EEF1E1: variants seen among roughly 807,000 people sequenced by gnomAD.
The protein encoded by EEF1E1 is eukaryotic translation elongation factor 1 epsilon 1, also known as eukaryotic translation elongation factor 1 epsilon-1.
In EEF1E1, 19 loss-of-function variants were observed where a neutral mutation model predicts 19.9. The observed-to-expected ratio is 0.95, with a 90% CI of 0.66 to 1.40. The LOEUF is 1.40. EEF1E1 is among the 40% of genes most tolerant of loss of function. The pLI is 0.00. For missense variants in EEF1E1, 198 were observed against 202.2 expected (o/e 0.98, Z 0.13); for synonymous variants, 81 against 80.0 (o/e 1.01, Z -0.07).
intron 1 of EEF1E1, chr6:8,101,883 G>T: frequency 2.4e-6 from 3 of 1,261,368 alleles, no homozygotes; most frequent in Non-Finnish European, 3.1e-6. Flanking sequence ...TGTTCTCTCT[G>T]CCATTTATGG....
downstream of EEF1E1, chr6:8,078,558 G>T: frequency 1.2e-6 from 1 of 858,874 alleles, no homozygotes; most frequent in Non-Finnish European, 1.5e-6. Context: ...GGTGCCAATA[G>T]TCTCGCTCGA....
intron 2 of EEF1E1, among the ~76,000 whole-genome samples, chr6:8,094,477 G>A (rs1421215444): frequency 2.6e-5 from 4 of 151,500 alleles, no homozygotes; most frequent in African/African-American, 9.7e-5. Flanking sequence ...GCATACACCT[G>A]TAATCCCAGC....
chr6:8,088,697 G>C (rs1388452383), intron 3 of EEF1E1, among the ~76,000 whole-genome samples: 1 of 152,196 alleles, frequency 6.6e-6, no homozygotes, highest in Non-Finnish European at 1.5e-5. Context: ...TTTATCAGCA[G>C]CGTGAAAATG....
intron 3 of EEF1E1, among the ~76,000 whole-genome samples, chr6:8,087,026 C>T (rs1440986413): frequency 6.6e-6 from 1 of 151,958 alleles, no homozygotes; most frequent in Non-Finnish European, 1.5e-5. Context: ...AGAGATGCAG[C>T]CGAGGAATGA....
chr6:8,085,157 T>A lies in EEF1E1; in HGVS notation c.384+5029A>T, dbSNP rs566865198. On this transcript the variant is annotated intron_variant, in intron 3 of 3. Transcript: ENST00000379715. ...CCAGTTGTTAAATATTGCTTTTATT[T>A]ATTTTTTTAAGACAGGTCTCACTCT... Among the ~76,000 whole-genome samples, 239 of 152,290 alleles carry A rather than the reference T, an allele frequency of 1.6e-3. 2 individuals carry two copies. Among genetic ancestry groups the A allele is most frequent in the African/African-American group, 5.3e-3 (221 of 41,568 alleles).
chr6:8,076,320 C>G (rs746241378), downstream of EEF1E1, among the ~76,000 whole-genome samples: 2 of 152,020 alleles, frequency 1.3e-5, no homozygotes, highest in African/African-American at 4.8e-5. Context: ...CTTTCTTTCT[C>G]TCTGTCTCAA....
chr6:8,100,727 C>A (rs150294759), intron 1 of EEF1E1, among the ~76,000 whole-genome samples: 129 of 151,944 alleles, frequency 8.5e-4, no homozygotes, highest in African/African-American at 3.1e-3. Context: ...ACTCTTGCAA[C>A]ATATTTTCAT....
At chr6:8,077,150 A>C (rs537623554), downstream of EEF1E1, among the ~76,000 whole-genome samples, 2 of 151,960 alleles carry the variant, frequency 1.3e-5, no homozygotes, top group African/African-American at 4.8e-5. Flanking sequence ...TCACCGTGTT[A>C]GCCAGGATTG....
chr6:8,084,347 A>G (rs1333555380), intron 3 of EEF1E1, among the ~76,000 whole-genome samples: 1 of 152,260 alleles, frequency 6.6e-6, no homozygotes, highest in African/African-American at 2.4e-5. Context: ...AGCTAGTGCT[A>G]TGAATATTTT....
chr6:8,093,897 A>G (rs1028737708), intron 2 of EEF1E1, among the ~76,000 whole-genome samples: 10 of 151,830 alleles, frequency 6.6e-5, no homozygotes, highest in South Asian at 2.1e-4. Context: ...TCCCAGGTTC[A>G]AGTGATTCTC....
intron 2 of EEF1E1, among the ~76,000 whole-genome samples, chr6:8,094,913 C>A (rs1013692088): frequency 1.3e-5 from 2 of 152,090 alleles, no homozygotes; most frequent in African/African-American, 4.8e-5. Context: ...TAATAATATT[C>A]TTTTCTCTAG....
At chr6:8,089,469 T>A (rs989093369) in intron 3 of EEF1E1, among the ~76,000 whole-genome samples, 1 of 151,598 alleles carries the variant, frequency 6.6e-6, no homozygotes. Flanking sequence ...AACTTGGGAG[T>A]CTGATGTTTG....
intron 1 of EEF1E1, 64 bp downstream of exon 1, chr6:8,102,371 G>A (rs1201944136): frequency 3.3e-6 from 5 of 1,520,488 alleles, no homozygotes; most frequent in African/African-American, 2.8e-5. Flanking sequence ...CCCGGGTCCT[G>A]CCAGGGCTCG....
chr6:8,082,542 G>A (rs1053557898), intron 3 of EEF1E1, among the ~76,000 whole-genome samples: 1 of 152,208 alleles, frequency 6.6e-6, no homozygotes, highest in African/African-American at 2.4e-5. Context: ...GTCTCCCAAA[G>A]TGCCTGGATT....
In EEF1E1 at chr6:8,102,433, A is replaced by G. The variant is rs1415261140; in HGVS notation, c.87+2T>C. The G allele has an allele frequency of 6.2e-7, 1 of 1,608,984 alleles. No homozygotes were observed. Among genetic ancestry groups the G allele is most frequent in the Non-Finnish European group, 8.5e-7 (1 of 1,178,490 alleles). ...CCCCTCCGCGCCGCCTCTCCTTCTC[A>G]CCTGTCGCTCGCCCTGAGCACTGTA... On this transcript the variant is annotated splice_donor_variant, in intron 1 of 3. Transcript: ENST00000379715. LOFTEE classifies it high-confidence loss of function.
chr6:8,094,006 C>T (rs137933370), intron 2 of EEF1E1, among the ~76,000 whole-genome samples: 2,256 of 151,962 alleles, frequency 0.015, 20 homozygotes, highest in Middle Eastern at 0.044. Flanking sequence ...ACCATGTTGG[C>T]CAGGCTGATC....
Position 8,097,345 on chromosome 6 carries a change from G to C in EEF1E1, c.210C>G (p.Ile70Met), listed in dbSNP as rs543759165. 1.2e-6 allele frequency: 2 copies of C among 1,614,150 alleles called. No homozygotes were observed. The highest frequency in any genetic ancestry group is 1.3e-5 in the African/African-American group (1 of 75,034). The change falls in exon 2 of 4, where the codon ATC becomes ATG. Residue 70 changes from isoleucine (I) to methionine (M), a missense_variant. Physicochemically the swap from Ile to Met is conservative, Grantham distance 10 (BLOSUM62 1). Transcript: ENST00000379715. ...CCCTGTATTCTAACCACTGCTGAACGATTGCTTTTTCTTCTGCAGTACTCC... is the reference window on the plus strand; with the variant it reads ...CCCTGTATTCTAACCACTGCTGAACCATTGCTTTTTCTTCTGCAGTACTCC... Reference protein sequence around the residue: ...LLGSTAEEKAIVQQWLEYRVT... With the variant: ...LLGSTAEEKAMVQQWLEYRVT...
At chr6:8,084,606 C>A (rs562816228) in intron 3 of EEF1E1, among the ~76,000 whole-genome samples, 1 of 152,192 alleles carries the variant, frequency 6.6e-6, no homozygotes, top group East Asian at 1.9e-4. Flanking sequence ...TGGGTCTGAA[C>A]AGACGTTCAC....
intron 3 of EEF1E1, among the ~76,000 whole-genome samples, chr6:8,087,510 G>A (rs926870880): frequency 5.3e-5 from 8 of 152,180 alleles, no homozygotes; most frequent in East Asian, 1.9e-4. Flanking sequence ...GAGCCACCGC[G>A]CCCAGCTAAG....
Sources: allele counts gnomAD v4.1 joint callset (sites outside exome capture counted in the v4.1 genomes callset), GRCh38; gene constraint gnomAD v4.1.1; transcripts MANE v1.5; gene names NCBI Gene and HGNC (gene_info 2026-07-23, HGNC 2026-07-21).